UGT1A5: variants seen among roughly 807,000 people sequenced by gnomAD.
The protein encoded by UGT1A5 is UDP-glucuronosyltransferase 1A5.
Under a neutral mutation model 40.3 loss-of-function variants are expected in UGT1A5, and 29 were observed. That is an observed-to-expected ratio of 0.72 (90% CI 0.54 to 0.98). The LOEUF is 0.98. UGT1A5 is among the 50% of genes least tolerant of loss of function. The pLI is 0.00. For missense variants in UGT1A5, 678 were observed against 677.9 expected, an observed-to-expected ratio of 1.00 and a Z score of 0.00; for synonymous variants, 257 against 262.5, an observed-to-expected ratio of 0.98 and a Z score of 0.20.
intron 1 of UGT1A5, among the ~76,000 whole-genome samples, chr2:233,756,863 G>A (rs956259550): frequency 6.6e-6 from 1 of 152,072 alleles, no homozygotes; most frequent in Non-Finnish European, 1.5e-5. Flanking sequence ...GGTTCATAAA[G>A]GGTATTAGGT....
chr2:233,721,002 A>G (rs1257155820), intron 1 of UGT1A5, among the ~76,000 whole-genome samples: 2 of 152,002 alleles, frequency 1.3e-5, no homozygotes, highest in African/African-American at 2.4e-5. Context: ...AGAGCCACCA[A>G]GCCCAGTGAG....
At chr2:233,766,162 G>A (rs1699058269) in intron 1 of UGT1A5, among the ~76,000 whole-genome samples, 1 of 152,198 alleles carries the variant, frequency 6.6e-6, no homozygotes, top group Non-Finnish European at 1.5e-5. Context: ...TGGAGAATGA[G>A]TGCAAGGATT....
At chr2:233,762,417 C>T (rs1698066612) in intron 1 of UGT1A5, among the ~76,000 whole-genome samples, 1 of 152,158 alleles carries the variant, frequency 6.6e-6, no homozygotes, top group Admixed American at 6.5e-5. Flanking sequence ...GCTTTTTCTA[C>T]AAAATAGAGT....
intron 1 of UGT1A5, chr2:233,761,197 G>T (rs369591851): frequency 8.1e-6 from 13 of 1,614,114 alleles, no homozygotes; most frequent in Non-Finnish European, 1.1e-5. Flanking sequence ...TCTTTCAGAT[G>T]TATTACTTTG....
intron 1 of UGT1A5, among the ~76,000 whole-genome samples, chr2:233,717,328 C>T (rs2076563793): frequency 6.6e-6 from 1 of 152,198 alleles, no homozygotes; most frequent in Non-Finnish European, 1.5e-5. Context: ...TGTGTCCTCA[C>T]AAATCCCCAG....
rs1042640 is a variant in UGT1A5 at position 233,772,898 on chromosome 2, G to T, written c.*339G>T. 1 of 456,718 alleles carries T rather than the reference G, an allele frequency of 2.2e-6. No individual in the cohort carries two copies. The highest frequency in any genetic ancestry group is 5.9e-5 in the East Asian group (1 of 16,920). The allele number at this position is 456,718 out of a possible 1,614,324, so 28.3% of individuals were successfully genotyped here. Reference sequence around the variant, plus strand: ...GTGCGGGATTCAAAGGTGGTCCCACGGCTGCCCCTACTGCAAATGGCAGTT... The same window carrying T: ...GTGCGGGATTCAAAGGTGGTCCCACTGCTGCCCCTACTGCAAATGGCAGTT... On this transcript the variant is annotated 3_prime_UTR_variant, in exon 5 of 5. Coordinates refer to ENST00000373414, the MANE Select transcript of UGT1A5 (RefSeq NM_019078.2).
intron 1 of UGT1A5, chr2:233,760,580 A>T (rs1277566287): frequency 6.2e-7 from 1 of 1,614,094 alleles, no homozygotes; most frequent in African/African-American, 1.3e-5. Flanking sequence ...CTCGGGCATA[A>T]TGTTTTTGAG....
chr2:233,769,633 G>A lies in UGT1A5; in HGVS notation c.1307+1194G>A. ...ACCAGCTTGAGCAAGGGACAACAGG[G>A]GAGGACTGATGACTGACTTCCCACC... On this transcript the variant is annotated intron_variant, in intron 4 of 4. Transcript: ENST00000373414. The surrounding 1 kb of genome is among the most constrained non-coding windows in gnomAD (Gnocchi z 4.4). The A allele has an allele frequency of 1.2e-6, 2 of 1,611,454 alleles. No individual in the cohort carries two copies. Among genetic ancestry groups the A allele is most frequent in the East Asian group, 4.5e-5 (2 of 44,858 alleles).
At chr2:233,733,871 G>T (rs1394272645) in intron 1 of UGT1A5, among the ~76,000 whole-genome samples, 1 of 152,036 alleles carries the variant, frequency 6.6e-6, no homozygotes, top group Non-Finnish European at 1.5e-5. Flanking sequence ...AATAGTTTCA[G>T]AAGGAATGGT....
At chr2:233,765,000 T>A (rs907940038) in intron 1 of UGT1A5, among the ~76,000 whole-genome samples, 1 of 152,020 alleles carries the variant, frequency 6.6e-6, no homozygotes. Context: ...TTCCTGGTCA[T>A]GTTCCAAATC....
chr2:233,726,289 A>G (rs568621451), intron 1 of UGT1A5, among the ~76,000 whole-genome samples: 9 of 152,322 alleles, frequency 5.9e-5, no homozygotes, highest in African/African-American at 1.9e-4. Context: ...GGTACTTGGG[A>G]GGCTCAGGTG....
rs763548038 is a variant in UGT1A5 at position 233,772,319 on chromosome 2, G to A, written c.1365G>A (p.Pro455=). The A allele has an allele frequency of 6.2e-6, 10 of 1,614,046 alleles. No homozygotes were observed. The highest frequency in any genetic ancestry group is 7.6e-6 in the Non-Finnish European group (9 of 1,180,038). The change falls in exon 5 of 5, where the codon CCG becomes CCA. Residue 455 remains proline (P), a synonymous_variant. Coordinates refer to ENST00000373414, the MANE Select transcript of UGT1A5 (RefSeq NM_019078.2). ...TTCACAAGGACCGCCCGGTGGAGCC[G>A]CTGGACCTGGCCGTGTTCTGGGTGG... ...SSLHKDRPVE[P]LDLAVFWVEF...
At chr2:233,719,633 C>G in intron 1 of UGT1A5, 1 of 1,614,046 alleles carries the variant, frequency 6.2e-7, no homozygotes, top group Non-Finnish European at 8.5e-7. Flanking sequence ...CGATCATGCC[C>G]AACATGGTCT....
At chr2:233,747,330 C>T (rs896598113) in intron 1 of UGT1A5, 17 of 1,603,408 alleles carry the variant, frequency 1.1e-5, no homozygotes, top group Non-Finnish European at 1.2e-5. Flanking sequence ...TTGATGGCAG[C>T]CACTGGCTCG....
rs944013638 is a variant in UGT1A5, at chr2:233,769,033, G to A, written c.1307+594G>A. 3.3e-5 allele frequency among the ~76,000 whole-genome samples: 5 copies of A among 152,006 alleles called. No individual in the cohort carries two copies. Among genetic ancestry groups the A allele is most frequent in the Admixed American group, 3.3e-4 (5 of 15,274 alleles). ...ATTTACATAAAAAGTTGCCATAATA[G>A]ACATCTGATCCATAAGTTTCCTGCA... On this transcript the variant is annotated intron_variant, in intron 4 of 4. Coordinates refer to ENST00000373414, the MANE Select transcript of UGT1A5 (RefSeq NM_019078.2). This position sits in a 1 kb window ranked among gnomAD's most constrained non-coding sequence, Gnocchi z 4.4.
intron 1 of UGT1A5, among the ~76,000 whole-genome samples, chr2:233,763,357 C>G (rs1698288561): frequency 6.6e-6 from 1 of 152,176 alleles, no homozygotes; most frequent in Non-Finnish European, 1.5e-5. Flanking sequence ...ATCTTTAGTA[C>G]TCCTTTGTCT....
intron 1 of UGT1A5, among the ~76,000 whole-genome samples, chr2:233,720,635 C>T (rs1197990739): frequency 6.6e-6 from 1 of 151,750 alleles, no homozygotes; most frequent in Non-Finnish European, 1.5e-5. Context: ...TGAAATAGTA[C>T]TCTGGGATGT....
At chr2:233,724,244 G>A (rs2077194489) in intron 1 of UGT1A5, among the ~76,000 whole-genome samples, 1 of 128,296 alleles carries the variant, frequency 7.8e-6, no homozygotes, top group Non-Finnish European at 1.7e-5. Flanking sequence ...GCCGGGCAGA[G>A]GCGCCCCTCA....
chr2:233,761,232 A>G, intron 1 of UGT1A5: 1 of 1,613,036 alleles, frequency 6.2e-7, no homozygotes, highest in Non-Finnish European at 8.5e-7. Flanking sequence ...CCCCAGATAT[A>G]TGCTGAGCAA....
Sources: gnomAD v4.1 joint callset for allele counts (sites outside exome capture counted in the v4.1 genomes callset) on GRCh38, gnomAD v4.1.1 for gene constraint, Gnocchi (gnomAD v3.1) non-coding constraint, MANE v1.5 for transcripts, NCBI Gene and HGNC (gene_info 2026-07-23, HGNC 2026-07-21) for gene names.